HTT: variants seen among roughly 807,000 people sequenced by gnomAD.
The protein encoded by HTT is huntingtin.
Under a neutral mutation model 362.3 loss-of-function variants are expected in HTT, and 104 were observed. That is an observed-to-expected ratio of 0.29 (90% CI 0.24 to 0.34). The LOEUF is 0.34. Among genes scored for constraint, HTT ranks in the 10% least tolerant of loss-of-function variants. HTT has a pLI of 1.00. For synonymous variants in HTT, 1,577 were observed against 1,548.7 expected (o/e 1.02, Z -0.43); for missense variants, 3,301 against 3,928.6 (o/e 0.84, Z 4.27).
At chr4:3,115,589 T>A in intron 7 of HTT, 144 bp downstream of exon 7, 1 of 667,976 alleles carries the variant, frequency 1.5e-6, no homozygotes, top group Non-Finnish European at 2.5e-6. Flanking sequence ...CTGGGGCTGC[T>A]GTGAGCCCGC....
intron 37 of HTT, 43 bp from the exon 38 acceptor site, chr4:3,186,554 C>A: frequency 1.3e-5 from 20 of 1,550,898 alleles, no homozygotes; most frequent in African/African-American, 2.7e-5. Flanking sequence ...GCTGTCGTTT[C>A]TTTTGGCTTA....
chr4:3,126,715 A>G lies in HTT; in HGVS notation c.1403-549A>G, dbSNP rs146973556. Reference sequence around the variant, plus strand: ...TCGACCTTTTTGCCATAATTTTTATATAGCCTTTTTTGTTTTTAAATGGTA... The same window carrying G: ...TCGACCTTTTTGCCATAATTTTTATGTAGCCTTTTTTGTTTTTAAATGGTA... On this transcript the variant is annotated intron_variant, in intron 11 of 66. Coordinates refer to ENST00000355072, the MANE Select transcript of HTT (RefSeq NM_001388492.1). Among the ~76,000 whole-genome samples, 244 of 152,348 alleles carry G rather than the reference A, an allele frequency of 1.6e-3. 2 individuals are homozygous for G. The highest frequency in any genetic ancestry group is 2.9e-3 in the Admixed American group (45 of 15,304).
intron 44 of HTT, 143 bp downstream of exon 44, chr4:3,207,126 T>TA (rs1157584108): frequency 9.6e-7 from 1 of 1,045,896 alleles, no homozygotes; most frequent in Admixed American, 2.3e-5. Flanking sequence ...AACTTGCCGT[T>TA]ACTCGTGTGT....
At chr4:3,236,364 C>G in intron 64 of HTT, 110 bp downstream of exon 64, 1 of 778,022 alleles carries the variant, frequency 1.3e-6, no homozygotes, top group Non-Finnish European at 2.3e-6. Flanking sequence ...TGGAGTCCTG[C>G]CAGTGATTCC....
chr4:3,128,907 C>G (rs1350728888), intron 12 of HTT: 1 of 152,212 alleles, frequency 6.6e-6, no homozygotes, highest in Non-Finnish European at 1.5e-5. Flanking sequence ...AACACTGAAG[C>G]TCTGTTCCCA....
chr4:3,234,993 G>A (rs1721451776), intron 61 of HTT, among the ~76,000 whole-genome samples: 1 of 152,216 alleles, frequency 6.6e-6, no homozygotes, highest in Non-Finnish European at 1.5e-5. Context: ...GAGGGACAGA[G>A]AGAGGAAGTG....
At position 3,127,450 on chromosome 4, in the gene HTT, T is replaced by C. The variant is rs755774511; in HGVS notation, c.1589T>C (p.Leu530Ser). 1 of 1,614,130 alleles carries C rather than the reference T, an allele frequency of 6.2e-7. No individual in the cohort carries two copies. The highest frequency in any genetic ancestry group is 1.1e-5 in the South Asian group (1 of 91,072). Reference sequence around the variant, plus strand: ...ACTGATGGGGATGAGGAGGATATCTTGAGCCACAGCTCCAGCCAGGTCAGC... The same window carrying C: ...ACTGATGGGGATGAGGAGGATATCTCGAGCCACAGCTCCAGCCAGGTCAGC... Reference protein sequence around the residue: ...SATDGDEEDILSHSSSQVSAV... With the variant: ...SATDGDEEDISSHSSSQVSAV... Residue 530 changes from leucine to serine, a missense_variant, in exon 12 of 67, where the codon TTG (leucine) becomes TCG (serine). Coordinates refer to ENST00000355072, the MANE Select transcript of HTT (RefSeq NM_001388492.1).
chr4:3,095,030 C>T (rs893197748), intron 2 of HTT, among the ~76,000 whole-genome samples: 1 of 150,960 alleles, frequency 6.6e-6, no homozygotes, highest in Admixed American at 6.6e-5. Context: ...AGAGGCGCTC[C>T]TCACTTCCCA....
chr4:3,092,224 G>T (rs994628152), intron 2 of HTT, among the ~76,000 whole-genome samples: 2 of 152,038 alleles, frequency 1.3e-5, no homozygotes, highest in Non-Finnish European at 2.9e-5. Flanking sequence ...GGGTTTCACT[G>T]TGTTGGCCAG....
At chr4:3,238,396 G>GGGCAGCTGT (rs779702573) in intron 64 of HTT, 51 bp from the exon 65 acceptor site, 48 of 1,449,240 alleles carry the variant, frequency 3.3e-5, no homozygotes, top group Non-Finnish European at 4.6e-5. Flanking sequence ...CGGGCAGGTG[G>GGGCAGCTGT]GGCAGCTGTG....
Position 3,228,208 on chromosome 4 carries a change from G to C in HTT, c.7849-407G>C, listed in dbSNP as rs1042496065. Among the ~76,000 whole-genome samples, 1 of 152,228 alleles carries C rather than the reference G, an allele frequency of 6.6e-6. No individual in the cohort carries two copies. The highest frequency in any genetic ancestry group is 1.5e-5 in the Non-Finnish European group (1 of 68,030). ...TAGAGCGCGGGTCACAAAGGCGCGAGGGAGCTCTGGCCTTGGGTTTACCGC... is the reference window on the plus strand; with the variant it reads ...TAGAGCGCGGGTCACAAAGGCGCGACGGAGCTCTGGCCTTGGGTTTACCGC... On this transcript the variant is annotated intron_variant, in intron 57 of 66. Coordinates refer to ENST00000355072, the MANE Select transcript of HTT (RefSeq NM_001388492.1). This position sits in a 1 kb window ranked among gnomAD's most constrained non-coding sequence, Gnocchi z 4.3.
In HTT at chr4:3,091,562, TG is replaced by T. The variant is rs570598358; in HGVS notation, c.347+4541del. 5.1e-3 allele frequency among the ~76,000 whole-genome samples: 775 copies of T among 152,316 alleles called. 3 individuals carry two copies. The highest frequency in any genetic ancestry group is 8.9e-3 in the Non-Finnish European group (604 of 68,022). On this transcript the variant is annotated intron_variant, in intron 2 of 66. Transcript: ENST00000355072. ...ATATAGATCAAAGGTTACTAGCCTG[TG>T]TAAAGAGCAGTTATAAATATCGTTA...
At chr4:3,121,120 TAA>T in intron 8 of HTT, 106 bp from the exon 9 acceptor site, 1 of 680,578 alleles carries the variant, frequency 1.5e-6, no homozygotes, top group Non-Finnish European at 2.5e-6. Context: ...GGGGAGAAGT[TAA>T]GGTATAAACT....
In HTT at chr4:3,206,453, C is replaced by G. The variant is rs749505453; in HGVS notation, c.5719-43C>G. 6.5e-7 allele frequency: 1 copy of G among 1,531,928 alleles called. No individual in the cohort carries two copies. The highest frequency in any genetic ancestry group is 1.1e-5 in the South Asian group (1 of 89,206). The allele number at this position is 1,531,928 out of a possible 1,614,324, so 94.9% of individuals were successfully genotyped here. On this transcript the variant is annotated intron_variant, in intron 42 of 66. Transcript: ENST00000355072. The surrounding 1 kb of genome is among the most constrained non-coding windows in gnomAD (Gnocchi z 4.6). Reference sequence around the variant, plus strand: ...CTATGGCATTAATACCTGGTCTCTTCTTGTGTACTTGAAAATGAATCTCTC... The same window carrying G: ...CTATGGCATTAATACCTGGTCTCTTGTTGTGTACTTGAAAATGAATCTCTC...
intron 24 of HTT, among the ~76,000 whole-genome samples, chr4:3,146,522 G>C (rs1207370879): frequency 1.3e-5 from 2 of 152,182 alleles, no homozygotes; most frequent in African/African-American, 4.8e-5. Flanking sequence ...CAGTTCAGCA[G>C]AACCATTGTC....
rs147078099 is a variant in HTT at position 3,144,859 on chromosome 4, G to A, written c.3067-293G>A. 9.8e-5 allele frequency among the ~76,000 whole-genome samples: 15 copies of A among 152,314 alleles called. No homozygotes were observed. In the East Asian group the frequency reaches 2.9e-3, roughly 29 times the overall value. ...AGACGATGTGGTAAGCTGGAGCTCA[G>A]CTCCTAAGGATGTGCAGGGGCAGTT... is the stretch of plus-strand genomic sequence containing the variant. On this transcript the variant is annotated intron_variant, in intron 23 of 66. Transcript: ENST00000355072.
intron 41 of HTT, 55 bp downstream of exon 41, chr4:3,199,994 A>ACT: frequency 6.9e-7 from 1 of 1,449,790 alleles, no homozygotes; most frequent in South Asian, 1.2e-5. Flanking sequence ...CTGTCCTGAG[A>ACT]CTCCCAGTAA....
intron 8 of HTT, among the ~76,000 whole-genome samples, chr4:3,119,166 G>C (rs113951351): frequency 1.6e-4 from 24 of 152,298 alleles, no homozygotes; most frequent in African/African-American, 5.8e-4. Flanking sequence ...GCTGTTTGGC[G>C]CGTAGTTCGT....
intron 66 of HTT, among the ~76,000 whole-genome samples, chr4:3,239,495 G>A (rs1285711565): frequency 6.6e-6 from 1 of 152,246 alleles, no homozygotes; most frequent in Non-Finnish European, 1.5e-5. Context: ...GGTGCTGACA[G>A]CACAGCCTTG....
Sources: allele counts gnomAD v4.1 joint callset (sites outside exome capture counted in the v4.1 genomes callset), GRCh38; gene constraint gnomAD v4.1.1; non-coding constraint Gnocchi (gnomAD v3.1); transcripts MANE v1.5; gene names NCBI Gene and HGNC (gene_info 2026-07-23, HGNC 2026-07-21).